Variants in PXDN observed in about 807,000 individuals in gnomAD.
The protein encoded by PXDN is peroxidasin.
PXDN carries 77 observed loss-of-function variants against 140.3 expected under a neutral mutation model. The ratio of observed to expected loss-of-function variants is 0.55; its 90% CI spans 0.46 to 0.66. The LOEUF (loss-of-function observed/expected upper bound fraction) is 0.66, where lower values mean the gene tolerates loss of function less well. Among genes scored for constraint, PXDN ranks in the 30% least tolerant of loss-of-function variants. The pLI is 0.00. For missense variants in PXDN, 1,838 were observed against 2,039.5 expected, an observed-to-expected ratio of 0.90 and a Z score of 1.90; for synonymous variants, 911 against 857.4, an observed-to-expected ratio of 1.06 and a Z score of -1.09.
At chr2:1,722,666 T>G (rs920493704) in intron 1 of PXDN, among the ~76,000 whole-genome samples, 1 of 152,194 alleles carries the variant, frequency 6.6e-6, no homozygotes, top group African/African-American at 2.4e-5. Context: ...AGAAAAGAGG[T>G]GTGCGTCTAC....
chr2:1,709,261 C>A (rs1684696022), intron 1 of PXDN, among the ~76,000 whole-genome samples: 1 of 152,178 alleles, frequency 6.6e-6, no homozygotes, highest in South Asian at 2.1e-4. Flanking sequence ...CAGCAGGTGA[C>A]CACGGCGCTC....
At chr2:1,675,184 G>A (rs1683671038) in intron 8 of PXDN, among the ~76,000 whole-genome samples, 3 of 152,068 alleles carry the variant, frequency 2.0e-5, no homozygotes, top group African/African-American at 4.8e-5. Context: ...CCAGAAACAC[G>A]GCGAGCCAGC....
At chr2:1,729,680 A>T (rs1176120816) in intron 1 of PXDN, among the ~76,000 whole-genome samples, 1 of 152,180 alleles carries the variant, frequency 6.6e-6, no homozygotes, top group Non-Finnish European at 1.5e-5. Flanking sequence ...ATGTAACCAA[A>T]CACCACCTGT....
chr2:1,736,238 T>G (rs1181658579), intron 1 of PXDN, among the ~76,000 whole-genome samples: 1 of 152,214 alleles, frequency 6.6e-6, no homozygotes, highest in Non-Finnish European at 1.5e-5. Flanking sequence ...TATCTCAGCT[T>G]TTGACATGCC....
intron 3 of PXDN, among the ~76,000 whole-genome samples, chr2:1,691,548 C>G (rs762970332): frequency 6.6e-6 from 1 of 152,098 alleles, no homozygotes; most frequent in South Asian, 2.1e-4. Context: ...GCAAGGCGAC[C>G]GGAAACTATT....
In PXDN at chr2:1,682,865, G is replaced by A. The variant is rs185627670; in HGVS notation, c.560+791C>T. On this transcript the variant is annotated intron_variant, in intron 6 of 22. Coordinates refer to ENST00000252804, the MANE Select transcript of PXDN (RefSeq NM_012293.3). The stretch of plus-strand genomic sequence containing the variant: ...TGAGGCACGAGAATTGCTTGAACCT[G>A]GGAGGCAGAGGTTGCAGTGAGCTGA... Among the ~76,000 whole-genome samples the A allele has an allele frequency of 2.7e-3, 409 of 152,048 alleles. 2 individuals carry two copies. The highest frequency in any genetic ancestry group is 9.4e-3 in the African/African-American group (391 of 41,460).
At chr2:1,723,449 T>C (rs1018267320) in intron 1 of PXDN, among the ~76,000 whole-genome samples, 9 of 152,110 alleles carry the variant, frequency 5.9e-5, no homozygotes, top group African/African-American at 2.2e-4. Context: ...TGAGTGGTTA[T>C]GGATGAATGG....
At chr2:1,677,835 C>A (rs1683762167) in intron 7 of PXDN, among the ~76,000 whole-genome samples, 1 of 152,260 alleles carries the variant, frequency 6.6e-6, no homozygotes, top group African/African-American at 2.4e-5. Context: ...CATGTACATT[C>A]TGTGAGCATC....
intron 17 of PXDN, among the ~76,000 whole-genome samples, chr2:1,647,107 G>A (rs951279149): frequency 6.6e-6 from 1 of 152,096 alleles, no homozygotes; most frequent in African/African-American, 2.4e-5. Flanking sequence ...TCTTGGCCAG[G>A]CTGGTCTTGA....
intron 1 of PXDN, among the ~76,000 whole-genome samples, chr2:1,730,046 T>G (rs1448696951): frequency 6.6e-6 from 1 of 151,862 alleles, no homozygotes; most frequent in African/African-American, 2.4e-5. Flanking sequence ...CAGATAAATA[T>G]TAACAGGTAG....
intron 9 of PXDN, among the ~76,000 whole-genome samples, chr2:1,667,942 G>GA (rs1683484876): frequency 6.6e-6 from 1 of 152,144 alleles, no homozygotes; most frequent in Admixed American, 6.5e-5. Context: ...CACAGAGCTA[G>GA]AAAAAACTAC....
chr2:1,664,837 A>C (rs1683393556), intron 11 of PXDN, 121 bp downstream of exon 11: 1 of 863,524 alleles, frequency 1.2e-6, no homozygotes, highest in South Asian at 1.7e-5. Flanking sequence ...GGTCCTGTGG[A>C]ATCCAGTCCC....
At chr2:1,713,004 C>T (rs1163014492) in intron 1 of PXDN, among the ~76,000 whole-genome samples, 1 of 152,150 alleles carries the variant, frequency 6.6e-6, no homozygotes. Context: ...GGACTACAGG[C>T]GTGAGCCACT....
chr2:1,715,118 A>G (rs1331824802), intron 1 of PXDN, among the ~76,000 whole-genome samples: 2 of 151,992 alleles, frequency 1.3e-5, no homozygotes, highest in African/African-American at 2.4e-5. Context: ...TAAAATCAGT[A>G]TTTTTCCTGC....
At chr2:1,744,203 G>C in intron 1 of PXDN, 53 bp downstream of exon 1, 2 of 1,418,568 alleles carry the variant, frequency 1.4e-6, no homozygotes, top group South Asian at 1.5e-5. Context: ...TGCGCTCCCG[G>C]ATCTCCACGA....
At chr2:1,682,440 G>A (rs760699294) in intron 6 of PXDN, among the ~76,000 whole-genome samples, 15 of 152,224 alleles carry the variant, frequency 9.9e-5, no homozygotes, top group Non-Finnish European at 2.1e-4. Context: ...AGACCACTCT[G>A]GAGTTAGGCT....
intron 11 of PXDN, 67 bp from the exon 12 acceptor site, chr2:1,663,830 C>G (rs1683367475): frequency 1.3e-6 from 2 of 1,559,604 alleles, no homozygotes; most frequent in African/African-American, 1.3e-5. Context: ...CTCAGACTGA[C>G]AGCATGACCA....
chr2:1,701,960 G>A (rs1047006372), intron 1 of PXDN, among the ~76,000 whole-genome samples: 3 of 152,194 alleles, frequency 2.0e-5, no homozygotes, highest in Admixed American at 2.0e-4. Context: ...TGGACTTCCA[G>A]CCTCCAGAGC....
At chr2:1,723,198 A>G (rs2125482806) in intron 1 of PXDN, among the ~76,000 whole-genome samples, 1 of 151,954 alleles carries the variant, frequency 6.6e-6, no homozygotes, top group African/African-American at 2.4e-5. Context: ...CAGATGGATG[A>G]ATGAATTAAT....
Sources: gnomAD v4.1 joint callset for allele counts (sites outside exome capture counted in the v4.1 genomes callset) on GRCh38, gnomAD v4.1.1 for gene constraint, MANE v1.5 for transcripts, NCBI Gene and HGNC (gene_info 2026-07-23, HGNC 2026-07-21) for gene names.